Variants in SCARA5 observed in about 807,000 individuals in gnomAD.
The protein encoded by SCARA5 is scavenger receptor class A, member 5 (putative).
In SCARA5, 45 loss-of-function variants were observed where a neutral mutation model predicts 46.3. The observed-to-expected ratio is 0.97, with a 90% CI of 0.76 to 1.24. SCARA5 has a LOEUF of 1.24. SCARA5 is among the 50% of genes most tolerant of loss of function. The pLI is 0.00. For missense variants in SCARA5, 680 were observed against 689.0 expected (o/e 0.99, Z 0.15); for synonymous variants, 333 against 306.5 (o/e 1.09, Z -0.90).
At chr8:27,979,763 G>A (rs1340218759) in intron 2 of SCARA5, among the ~76,000 whole-genome samples, 2 of 152,062 alleles carry the variant, frequency 1.3e-5, no homozygotes, top group African/African-American at 4.8e-5. Flanking sequence ...GTTCCACCAT[G>A]TTGCCCAGGC....
chr8:27,991,863 A>ACACACACACATG (rs1808791186), intron 1 of SCARA5, among the ~76,000 whole-genome samples: 2 of 145,848 alleles, frequency 1.4e-5, no homozygotes, highest in African/African-American at 5.5e-5. Flanking sequence ...ACACACATGC[A>ACACACACACATG]CACACACACA....
intron 7 of SCARA5, among the ~76,000 whole-genome samples, chr8:27,888,948 T>C (rs1376463851): frequency 6.6e-6 from 1 of 152,096 alleles, no homozygotes; most frequent in African/African-American, 2.4e-5. Context: ...CCCCACAACT[T>C]TTCTGGAGTG....
chr8:27,932,361 T>C (rs1019325840), intron 3 of SCARA5, among the ~76,000 whole-genome samples: 9 of 152,352 alleles, frequency 5.9e-5, no homozygotes, highest in South Asian at 4.1e-4. Context: ...ACTGTCGATC[T>C]TCTGTGACTC....
rs146197337 is a variant in SCARA5, at chr8:27,876,886, C to T, written c.1351+2683G>A. ...AGGCTCCTTCAGGCTCAACAGCAGACGAGCTGGGAGTGGGGTTGGGGCACC... is the reference window on the plus strand; with the variant it reads ...AGGCTCCTTCAGGCTCAACAGCAGATGAGCTGGGAGTGGGGTTGGGGCACC... On this transcript the variant is annotated intron_variant, in intron 8 of 8. Transcript: ENST00000354914. Among the ~76,000 whole-genome samples the T allele has an allele frequency of 1.0e-3, 156 of 152,184 alleles. 2 individuals are homozygous for T. The highest frequency in any genetic ancestry group is 3.4e-3 in the African/African-American group (141 of 41,518).
intron 4 of SCARA5, among the ~76,000 whole-genome samples, chr8:27,912,814 C>T (rs1563522805): frequency 6.6e-6 from 1 of 152,338 alleles, no homozygotes. Flanking sequence ...AGGGAGGATG[C>T]TGCCCAAAGA....
intron 5 of SCARA5, 71 bp from the exon 6 acceptor site, chr8:27,907,317 G>T: frequency 8.9e-7 from 1 of 1,126,536 alleles, no homozygotes; most frequent in Non-Finnish European, 1.3e-6. Flanking sequence ...GTCATCGTCG[G>T]GTTCAAGGCT....
Position 27,904,318 on chromosome 8 carries a change from G to A in SCARA5, c.1153+460C>T, listed in dbSNP as rs116997518. The A allele has an allele frequency of 1.4e-4, 27 of 190,126 alleles. No homozygotes were observed. In the East Asian group the frequency reaches 2.8e-3, roughly 19 times the overall value. 11.8% of individuals were successfully genotyped at this position (190,126 alleles called of 1,614,324 possible). On this transcript the variant is annotated intron_variant, in intron 7 of 8. Transcript: ENST00000354914. ...AGCACCTCTGATGATTTTAGGAAGC[G>A]TGTCTGAGTGGGTGTATTACACAGA...
chr8:27,977,159 G>A (rs1808537898), intron 2 of SCARA5, among the ~76,000 whole-genome samples: 1 of 152,118 alleles, frequency 6.6e-6, no homozygotes, highest in Non-Finnish European at 1.5e-5. Flanking sequence ...CTTTTATAAG[G>A]GCACTTATCC....
chr8:27,905,539 A>G (rs1238797688), intron 6 of SCARA5, among the ~76,000 whole-genome samples: 2 of 41,692 alleles, frequency 4.8e-5, no homozygotes, highest in Admixed American at 2.5e-4. Flanking sequence ...GGGGAAAAAA[A>G]AAAGGCAGCC....
In SCARA5 at chr8:27,921,572, T is replaced by C. The variant is rs771670600; in HGVS notation, c.915A>G (p.Lys305=). ...GAGGCAGCAAGGGCCTGGCGGTACC[T>C]TTCGCGAGGGAGATGTTCCGCAGTG... ...SIALRNISLA[K]GPPGPKGDQG... Residue 305 remains lysine, a splice_region_variant and synonymous_variant, in exon 4 of 9, where the codon AAA becomes AAG. Transcript: ENST00000354914. 9 of 1,547,048 alleles carry C rather than the reference T, an allele frequency of 5.8e-6. No homozygotes were observed. In the African/African-American group the frequency reaches 9.7e-5, roughly 17 times the overall value.
intron 6 of SCARA5, among the ~76,000 whole-genome samples, chr8:27,905,081 G>T (rs1291007606): frequency 6.6e-6 from 1 of 152,038 alleles, no homozygotes; most frequent in Non-Finnish European, 1.5e-5. Context: ...AGAGCACATG[G>T]AATTTTGCAG....
intron 4 of SCARA5, among the ~76,000 whole-genome samples, chr8:27,915,288 G>T (rs142779985): frequency 6.6e-6 from 1 of 152,312 alleles, no homozygotes; most frequent in Non-Finnish European, 1.5e-5. Context: ...GGCCCAGAAA[G>T]GTGCTGGGAC....
chr8:27,919,121 G>A (rs111543453), intron 4 of SCARA5, among the ~76,000 whole-genome samples: 111 of 72,354 alleles, frequency 1.5e-3, no homozygotes, highest in South Asian at 3.0e-3. Context: ...GGAGGAGAAG[G>A]AAGAAAAGGA....
intron 4 of SCARA5, 86 bp downstream of exon 4, chr8:27,921,485 A>G: frequency 8.6e-7 from 1 of 1,159,608 alleles, no homozygotes. Context: ...GGGCTGGGGT[A>G]CTCCTGGGTC....
chr8:27,917,083 T>G (rs1251806139), intron 4 of SCARA5, among the ~76,000 whole-genome samples: 2 of 152,190 alleles, frequency 1.3e-5, no homozygotes, highest in African/African-American at 4.8e-5. Context: ...GGCCCCTGGA[T>G]TTTGGACTGC....
At chr8:27,956,491 A>C (rs1808209375) in intron 3 of SCARA5, among the ~76,000 whole-genome samples, 1 of 152,218 alleles carries the variant, frequency 6.6e-6, no homozygotes, top group African/African-American at 2.4e-5. Flanking sequence ...GCATTGTGCA[A>C]AAGCACTTCA....
At chr8:27,950,892 A>AAAAAAG in intron 3 of SCARA5, among the ~76,000 whole-genome samples, 1 of 151,946 alleles carries the variant, frequency 6.6e-6, no homozygotes, top group African/African-American at 2.4e-5. Context: ...AAAAAAAAAA[A>AAAAAAG]GGTCAGTGTG....
rs143051028 is a variant in SCARA5, at chr8:27,907,448, C to T, written c.998-202G>A. ...GACCCTCCCATGCACACCTTGTATC[C>T]ATCAGGCTTGGGATCCTCCTGCTAG... On this transcript the variant is annotated intron_variant, in intron 5 of 8. Coordinates refer to ENST00000354914, the MANE Select transcript of SCARA5 (RefSeq NM_173833.6). 9.7e-4 allele frequency among the ~76,000 whole-genome samples: 147 copies of T among 152,270 alleles called. 1 individual carries two copies. The highest frequency in any genetic ancestry group is 3.4e-3 in the African/African-American group (142 of 41,560).
At chr8:27,942,651 A>G (rs552224243) in intron 3 of SCARA5, among the ~76,000 whole-genome samples, 1 of 152,048 alleles carries the variant, frequency 6.6e-6, no homozygotes, top group Admixed American at 6.5e-5. Flanking sequence ...TCCCCACTTT[A>G]ACTCTCGGGC....
Sources: gnomAD v4.1 joint callset for allele counts (sites outside exome capture counted in the v4.1 genomes callset) on GRCh38, gnomAD v4.1.1 for gene constraint, MANE v1.5 for transcripts, NCBI Gene and HGNC (gene_info 2026-07-23, HGNC 2026-07-21) for gene names.